DGKK: variants seen among roughly 807,000 people sequenced by gnomAD.
DGKK encodes the protein 142 kDa diacylglycerol kinase.
In DGKK, 35 loss-of-function variants were observed where a neutral mutation model predicts 92.2. The ratio of observed to expected loss-of-function variants is 0.38; its 90% CI spans 0.29 to 0.50. The LOEUF (loss-of-function observed/expected upper bound fraction) is 0.50, where lower values mean the gene tolerates loss of function less well. DGKK is among the 20% of genes least tolerant of loss of function. The pLI is 0.92. For synonymous variants in DGKK, 368 were observed against 360.6 expected (o/e 1.02, Z -0.23); for missense variants, 910 against 992.2 (o/e 0.92, Z 1.11).
Position 50,425,752 on chromosome X carries a change from G to A in DGKK, c.646-1394C>T, listed in dbSNP as rs1170178649. Among the ~76,000 whole-genome samples the A allele has an allele frequency of 2.7e-5, 3 of 111,730 alleles. No homozygotes were observed. The East Asian group carries it at 8.4e-4, about 31-fold the overall frequency. ...TGGGATGCAAAAGAATGGTGCTGAGGAGTCAGAACAAAGAGAACAATAAGA... is the reference window on the plus strand; with the variant it reads ...TGGGATGCAAAAGAATGGTGCTGAGAAGTCAGAACAAAGAGAACAATAAGA... On this transcript the variant is annotated intron_variant, in intron 1 of 27. Transcript: ENST00000611977.
chrX:50,400,592 A>T (rs1934191), intron 8 of DGKK, among the ~76,000 whole-genome samples: 51,968 of 110,642 alleles, frequency 0.47, 10,604 homozygotes, highest in African/African-American at 0.8. Context: ...AAATCACTAG[A>T]GTCCAGGAAT....
intron 1 of DGKK, among the ~76,000 whole-genome samples, chrX:50,438,230 C>T (rs1317386272): frequency 9.0e-6 from 1 of 111,132 alleles, no homozygotes; most frequent in Non-Finnish European, 1.9e-5. Flanking sequence ...CTTGCCCCTT[C>T]CACCCCTCCA....
chrX:50,438,606 C>A (rs1926092209), intron 1 of DGKK, among the ~76,000 whole-genome samples: 1 of 111,443 alleles, frequency 9.0e-6, no homozygotes, highest in African/African-American at 3.3e-5. Flanking sequence ...TGAATAATAC[C>A]ACTTCACAGA....
intron 8 of DGKK, among the ~76,000 whole-genome samples, chrX:50,395,986 G>C (rs1557226070): frequency 9.0e-6 from 1 of 111,335 alleles, no homozygotes. Flanking sequence ...TTTTCATATA[G>C]ACGTGTATGT....
chrX:50,417,878 C>T (rs782491450), intron 4 of DGKK, among the ~76,000 whole-genome samples: 1 of 111,354 alleles, frequency 9.0e-6, no homozygotes, highest in African/African-American at 3.3e-5. Context: ...TTTATCCTGG[C>T]ATTGAAAAAT....
At chrX:50,450,766 C>T (rs1569545122) in intron 1 of DGKK, among the ~76,000 whole-genome samples, 1 of 111,608 alleles carries the variant, frequency 9.0e-6, no homozygotes, top group Non-Finnish European at 1.9e-5. Flanking sequence ...CTAAATCTGT[C>T]TTCATTTCAC....
At chrX:50,447,665 T>A (rs1422908194) in intron 1 of DGKK, among the ~76,000 whole-genome samples, 1 of 105,288 alleles carries the variant, frequency 9.5e-6, no homozygotes, top group Non-Finnish European at 1.9e-5. Flanking sequence ...AAGGTAGGGC[T>A]AGATTTCTGA....
At chrX:50,419,394 AT>A (rs1365469356) in intron 4 of DGKK, among the ~76,000 whole-genome samples, 1 of 111,580 alleles carries the variant, frequency 9.0e-6, no homozygotes, top group Non-Finnish European at 1.9e-5. Flanking sequence ...CATTAGTTTT[AT>A]TTCTAAACTG....
At chrX:50,418,946 C>G (rs1208689316) in intron 4 of DGKK, among the ~76,000 whole-genome samples, 1 of 111,446 alleles carries the variant, frequency 9.0e-6, no homozygotes, top group African/African-American at 3.3e-5. Flanking sequence ...GAGAAACCCT[C>G]CAGTTTGAAT....
rs1927023900 is a variant in DGKK, at chrX:50,470,200, T to C, written c.479A>G (p.Glu160Gly). The change falls in exon 1 of 28, where the codon GAG becomes GGG. Residue 160 changes from glutamate (E) to glycine (G), a missense_variant. Physicochemically the swap from Glu to Gly is moderately conservative, Grantham distance 98 (BLOSUM62 -2). Transcript: ENST00000611977. ...CTCAGGGCAGAACTCTGGGGCCAGC[T>C]CTGTCACAGGTTCTGGGGTCGGCTC... is the stretch of plus-strand genomic sequence containing the variant. ...APEPTPEPVT[E>G]LAPEFCPEAA... 3.3e-6 allele frequency: 4 copies of C among 1,211,897 alleles called. No homozygotes were observed. Among genetic ancestry groups the C allele is most frequent in the Non-Finnish European group, 3.4e-6 (3 of 895,431 alleles).
At chrX:50,401,538 T>C (rs538907526) in intron 7 of DGKK, among the ~76,000 whole-genome samples, 3 of 111,420 alleles carry the variant, frequency 2.7e-5, no homozygotes, top group East Asian at 2.8e-4. Context: ...AAAAACACTA[T>C]TGAATTCATT....
intron 25 of DGKK, among the ~76,000 whole-genome samples, chrX:50,372,774 T>G (rs1364862358): frequency 1.8e-5 from 2 of 112,402 alleles, no homozygotes; most frequent in African/African-American, 6.5e-5. Context: ...TGGTTCACAT[T>G]CCAGTAAGTA....
At chrX:50,450,910 A>G (rs1934176) in intron 1 of DGKK, among the ~76,000 whole-genome samples, 49,892 of 110,339 alleles carry the variant, frequency 0.45, 9,746 homozygotes, top group African/African-American at 0.76. Context: ...TGCAATGTCA[A>G]TGCATAAACA....
intron 27 of DGKK, among the ~76,000 whole-genome samples, chrX:50,369,796 TCAAA>T (rs1312474133): frequency 2.7e-5 from 3 of 111,570 alleles, no homozygotes; most frequent in Admixed American, 1.9e-4. Context: ...ACTCCTGGGC[TCAAA>T]CAGTCTGCCT....
At chrX:50,391,080 G>A (rs956515968) in intron 11 of DGKK, among the ~76,000 whole-genome samples, 3 of 111,332 alleles carry the variant, frequency 2.7e-5, no homozygotes, top group South Asian at 3.8e-4. Context: ...CTCTAGAATC[G>A]TCTAGTTTTT....
chrX:50,368,068 G>A lies in DGKK; in HGVS notation c.*872C>T, dbSNP rs1430532627. The A allele has an allele frequency of 3.6e-5, 4 of 110,344 alleles. No individual in the cohort carries two copies. Among genetic ancestry groups the A allele is most frequent in the African/African-American group, 1.0e-4 (3 of 30,106 alleles). 9.1% of individuals were successfully genotyped at this position (110,344 alleles called of 1,213,427 possible). Reference sequence around the variant, plus strand: ...TTTCAGCTCTTAAAAATATATATGCGTATGTATATATATATACATCTTTAT... The same window carrying A: ...TTTCAGCTCTTAAAAATATATATGCATATGTATATATATATACATCTTTAT... On this transcript the variant is annotated 3_prime_UTR_variant, in exon 28 of 28. Coordinates refer to ENST00000611977, the MANE Select transcript of DGKK (RefSeq NM_001013742.4).
intron 1 of DGKK, among the ~76,000 whole-genome samples, chrX:50,458,779 A>G (rs1400063944): frequency 1.8e-5 from 2 of 110,928 alleles, no homozygotes; most frequent in Non-Finnish European, 3.8e-5. Flanking sequence ...TTAAAATTTC[A>G]ATAGGACTTG....
chrX:50,456,187 C>T (rs1926607249), intron 1 of DGKK, among the ~76,000 whole-genome samples: 1 of 111,904 alleles, frequency 8.9e-6, no homozygotes, highest in Admixed American at 9.4e-5. Flanking sequence ...CTTCCCTGAC[C>T]AGACCATTTC....
intron 6 of DGKK, 145 bp downstream of exon 6, chrX:50,403,346 G>A: frequency 1.2e-6 from 1 of 855,543 alleles, no homozygotes; most frequent in Non-Finnish European, 1.7e-6. Context: ...AGTGGAGGAG[G>A]GAGGTTCATT....
Sources: allele counts gnomAD v4.1 joint callset (sites outside exome capture counted in the v4.1 genomes callset), GRCh38; gene constraint gnomAD v4.1.1; transcripts MANE v1.5; gene names NCBI Gene and HGNC (gene_info 2026-07-23, HGNC 2026-07-21).